Variants in TMEM120B observed in about 807,000 individuals in gnomAD.
TMEM120B encodes the protein transmembrane protein 120B.
Under a neutral mutation model 55.5 loss-of-function variants are expected in TMEM120B, and 31 were observed. The observed-to-expected ratio is 0.56, with a 90% CI of 0.42 to 0.75. The LOEUF is 0.75. TMEM120B is among the 30% of genes least tolerant of loss of function. The pLI is 0.00. For missense variants in TMEM120B, 399 were observed against 425.5 expected (o/e 0.94, Z 0.55); for synonymous variants, 203 against 176.3 (o/e 1.15, Z -1.20).
Position 121,750,454 on chromosome 12 carries a change from C to T in TMEM120B, c.365+15C>T, listed in dbSNP as rs780427237. ...AACCAGGCCAAGTAAGTGTCCCCCA[C>T]CCACCACCCAGACCCACACCTCACA... On this transcript the variant is annotated intron_variant, in intron 4 of 11. Coordinates refer to ENST00000449592, the MANE Select transcript of TMEM120B (RefSeq NM_001080825.2). The T allele has an allele frequency of 1.4e-5, 23 of 1,609,058 alleles. No homozygotes were observed. In the African/African-American group the frequency reaches 1.6e-4, roughly 11 times the overall value.
intron 5 of TMEM120B, among the ~76,000 whole-genome samples, chr12:121,753,343 G>GTT (rs1055443891): frequency 6.6e-6 from 1 of 151,486 alleles, no homozygotes; most frequent in Non-Finnish European, 1.5e-5. Context: ...TGGGTACAAG[G>GTT]TTTTTTTTTA....
At chr12:121,753,697 A>G (rs887458739) in intron 5 of TMEM120B, among the ~76,000 whole-genome samples, 7 of 150,280 alleles carry the variant, frequency 4.7e-5, no homozygotes, top group African/African-American at 1.8e-4. Context: ...ATTATATCCC[A>G]ATTATATTTA....
chr12:121,744,248 C>T (rs1455787175), intron 2 of TMEM120B, among the ~76,000 whole-genome samples: 1 of 152,114 alleles, frequency 6.6e-6, no homozygotes, highest in African/African-American at 2.4e-5. Flanking sequence ...CCCAGTACTT[C>T]AGCCGACATT....
At chr12:121,722,487 A>G (rs1412701828) in intron 1 of TMEM120B, among the ~76,000 whole-genome samples, 1 of 152,204 alleles carries the variant, frequency 6.6e-6, no homozygotes, top group East Asian at 1.9e-4. Flanking sequence ...CACAACTAAA[A>G]ACTGGCAACC....
chr12:121,743,579 A>T, intron 1 of TMEM120B, 50 bp from the exon 2 acceptor site: 2 of 1,338,622 alleles, frequency 1.5e-6, no homozygotes, highest in Non-Finnish European at 2.1e-6. Flanking sequence ...AAAGAAAATG[A>T]GCTGTTCATA....
rs111751531 is a variant in TMEM120B, at chr12:121,770,380, C to T, written c.552-527C>T. On this transcript the variant is annotated intron_variant, in intron 6 of 11. Coordinates refer to ENST00000449592, the MANE Select transcript of TMEM120B (RefSeq NM_001080825.2). ...TTACCTCAGTCCCCTCTTCAAAGGCCCTGTCTTCAAATACAGTCACGGACG... is the reference window on the plus strand; with the variant it reads ...TTACCTCAGTCCCCTCTTCAAAGGCTCTGTCTTCAAATACAGTCACGGACG... Among the ~76,000 whole-genome samples the T allele has an allele frequency of 3.7e-3, 569 of 152,226 alleles. 8 individuals carry two copies. Among genetic ancestry groups the T allele is most frequent in the African/African-American group, 0.013 (548 of 41,522 alleles).
intron 5 of TMEM120B, among the ~76,000 whole-genome samples, chr12:121,754,612 C>A (rs1031508480): frequency 7.2e-5 from 11 of 152,228 alleles, no homozygotes; most frequent in African/African-American, 2.7e-4. Context: ...AGCTGTGTTT[C>A]ACTCGCCTCT....
chr12:121,764,669 C>T (rs1242369168), intron 6 of TMEM120B, among the ~76,000 whole-genome samples: 2 of 151,794 alleles, frequency 1.3e-5, no homozygotes, highest in Non-Finnish European at 2.9e-5. Flanking sequence ...AAAAAAAGTG[C>T]TCTGGGGCAT....
chr12:121,715,917 C>T (rs1894691589), intron 1 of TMEM120B, among the ~76,000 whole-genome samples: 1 of 151,292 alleles, frequency 6.6e-6, no homozygotes, highest in African/African-American at 2.4e-5. Context: ...GAGCTCTGAA[C>T]TCTCAAGATG....
Position 121,779,112 on chromosome 12 carries a change from G to A in TMEM120B, c.*3390G>A, listed in dbSNP as rs990257314. The A allele has an allele frequency of 5.1e-6, 1 of 197,632 alleles. No individual in the cohort carries two copies. The highest frequency in any genetic ancestry group is 2.3e-5 in the African/African-American group (1 of 43,670). The allele number at this position is 197,632 out of a possible 1,614,324, so 12.2% of individuals were successfully genotyped here. ...CCCAGGGAGGCAGGGACACAGGAGT[G>A]GCAGGCTTGGGGCGCCCGCGTGGAA... is the stretch of plus-strand genomic sequence containing the variant. On this transcript the variant is annotated 3_prime_UTR_variant, in exon 12 of 12. Transcript: ENST00000449592.
intron 6 of TMEM120B, among the ~76,000 whole-genome samples, chr12:121,768,195 C>T (rs562508444): frequency 9.8e-5 from 15 of 152,292 alleles, no homozygotes; most frequent in Non-Finnish European, 1.9e-4. Context: ...CCCATGACCG[C>T]ACGTGGCACC....
At chr12:121,745,243 C>T (rs1873045705) in intron 2 of TMEM120B, among the ~76,000 whole-genome samples, 2 of 152,160 alleles carry the variant, frequency 1.3e-5, no homozygotes, top group Non-Finnish European at 1.5e-5. Flanking sequence ...TGTCTGCTGA[C>T]TTGTTTTCTG....
chr12:121,774,058 T>C (rs1342733687), intron 9 of TMEM120B, among the ~76,000 whole-genome samples: 1 of 150,020 alleles, frequency 6.7e-6, no homozygotes, highest in East Asian at 2.0e-4. Context: ...CGGGTTCAAG[T>C]GATTCTCCCG....
chr12:121,731,996 G>T (rs1245063437), intron 1 of TMEM120B, among the ~76,000 whole-genome samples: 1 of 152,260 alleles, frequency 6.6e-6, no homozygotes, highest in East Asian at 1.9e-4. Flanking sequence ...AATTAGCTGG[G>T]CGTGGTGGCG....
intron 1 of TMEM120B, among the ~76,000 whole-genome samples, chr12:121,720,410 A>T (rs771192813): frequency 1.3e-5 from 2 of 152,140 alleles, no homozygotes; most frequent in African/African-American, 2.4e-5. Flanking sequence ...TCTTAGAGCT[A>T]TATAAAAGTA....
chr12:121,724,296 A>T (rs1894848986), intron 1 of TMEM120B, among the ~76,000 whole-genome samples: 2 of 152,024 alleles, frequency 1.3e-5, no homozygotes, highest in Admixed American at 1.3e-4. Flanking sequence ...CAGCCTCTCA[A>T]AGTGCTGGGA....
chr12:121,720,719 G>GA (rs1212128798), intron 1 of TMEM120B, among the ~76,000 whole-genome samples: 7 of 146,776 alleles, frequency 4.8e-5, no homozygotes, highest in East Asian at 2.0e-4. Context: ...TGTCTCAAAA[G>GA]AAAAAAAAAA....
intron 6 of TMEM120B, among the ~76,000 whole-genome samples, chr12:121,764,445 C>T (rs1315768379): frequency 6.6e-6 from 1 of 151,874 alleles, no homozygotes; most frequent in Non-Finnish European, 1.5e-5. Context: ...TGCTTGAACC[C>T]GGGAGGCTGA....
At chr12:121,748,923 G>A (rs1212068991) in intron 3 of TMEM120B, among the ~76,000 whole-genome samples, 1 of 152,172 alleles carries the variant, frequency 6.6e-6, no homozygotes, top group Non-Finnish European at 1.5e-5. Context: ...CAAAGCCCAC[G>A]TTCTTTGTAT....
Sources: allele counts gnomAD v4.1 joint callset (sites outside exome capture counted in the v4.1 genomes callset), GRCh38; gene constraint gnomAD v4.1.1; transcripts MANE v1.5; gene names NCBI Gene and HGNC (gene_info 2026-07-23, HGNC 2026-07-21).